CDH20: variants seen among roughly 807,000 people sequenced by gnomAD.
The protein encoded by CDH20 is cadherin-20.
CDH20 carries 29 observed loss-of-function variants against 74.2 expected under a neutral mutation model. The observed-to-expected ratio is 0.39, with a 90% CI of 0.29 to 0.53. The LOEUF (loss-of-function observed/expected upper bound fraction) is 0.53. CDH20 is among the 20% of genes least tolerant of loss of function. The pLI is 0.69. For missense variants in CDH20, 988 were observed against 1,048.3 expected, an observed-to-expected ratio of 0.94 and a Z score of 0.79; for synonymous variants, 469 against 405.4, an observed-to-expected ratio of 1.16 and a Z score of -1.88.
chr18:61,345,935 A>G (rs1910102745), intron 1 of CDH20, among the ~76,000 whole-genome samples: 1 of 152,220 alleles, frequency 6.6e-6, no homozygotes, highest in South Asian at 2.1e-4. Flanking sequence ...ACTTAAGACC[A>G]GACGGATCCT....
intron 1 of CDH20, among the ~76,000 whole-genome samples, chr18:61,412,436 G>A (rs1487980651): frequency 6.6e-6 from 1 of 151,870 alleles, no homozygotes; most frequent in East Asian, 1.9e-4. Context: ...AAAATTAAAG[G>A]GCCACATATC....
chr18:61,485,195 AG>A (rs1354694648), intron 1 of CDH20, among the ~76,000 whole-genome samples: 2 of 152,230 alleles, frequency 1.3e-5, no homozygotes, highest in Non-Finnish European at 2.9e-5. Flanking sequence ...TTTCTTAAAA[AG>A]GTAATACTGT....
At position 61,365,676 on chromosome 18, in the gene CDH20, A is replaced by G. The variant is rs538311953; in HGVS notation, c.-153+31849A>G. The stretch of plus-strand genomic sequence containing the variant: ...GCTGACTGTATAGCTGAAATGTTAT[A>G]TTTTCCAATCCTAAAAACTCCTGTA... On this transcript the variant is annotated intron_variant, in intron 1 of 11. Transcript: ENST00000262717. Among the ~76,000 whole-genome samples the G allele has an allele frequency of 2.6e-5, 4 of 152,202 alleles. No homozygotes were observed. The South Asian group carries it at 8.3e-4, about 32-fold the overall frequency.
At chr18:61,347,343 CA>C (rs1568104200) in intron 1 of CDH20, among the ~76,000 whole-genome samples, 54 of 140,576 alleles carry the variant, frequency 3.8e-4, no homozygotes, top group African/African-American at 1.5e-3. Flanking sequence ...CACACACACA[CA>C]CACACACATA....
intron 1 of CDH20, among the ~76,000 whole-genome samples, chr18:61,432,074 A>ATGTAT (rs1913274039): frequency 6.6e-6 from 1 of 151,768 alleles, no homozygotes; most frequent in African/African-American, 2.4e-5. Flanking sequence ...GTGAAACCCC[A>ATGTAT]TCTCTACTAA....
rs555300704 is a variant in CDH20, at chr18:61,345,943, C to T, written c.-153+12116C>T. 3.3e-5 allele frequency among the ~76,000 whole-genome samples: 5 copies of T among 152,264 alleles called. No homozygotes were observed. In the East Asian group the frequency reaches 7.7e-4, roughly 24 times the overall value. On this transcript the variant is annotated intron_variant, in intron 1 of 11. Transcript: ENST00000262717. ...TCACCAAACTTAAGACCAGACGGAT[C>T]CTATGAGCACTGAAGAATATTCCAG...
chr18:61,515,649 AATC>A, intron 6 of CDH20, among the ~76,000 whole-genome samples: 1 of 151,016 alleles, frequency 6.6e-6, no homozygotes, highest in African/African-American at 2.4e-5. Context: ...TGAAATTGGA[AATC>A]ATCATTCTCA....
intron 1 of CDH20, among the ~76,000 whole-genome samples, chr18:61,456,941 A>G (rs1456907244): frequency 6.6e-6 from 1 of 152,118 alleles, no homozygotes; most frequent in Admixed American, 6.6e-5. Flanking sequence ...TCATTTCTTA[A>G]GGCTCCACCT....
chr18:61,344,808 A>T (rs1910063135), intron 1 of CDH20, among the ~76,000 whole-genome samples: 1 of 152,164 alleles, frequency 6.6e-6, no homozygotes, highest in African/African-American at 2.4e-5. Flanking sequence ...CAAGATCATG[A>T]CTTTCATTTC....
chr18:61,352,801 G>A (rs1015154132), intron 1 of CDH20, among the ~76,000 whole-genome samples: 4 of 152,128 alleles, frequency 2.6e-5, no homozygotes, highest in African/African-American at 9.7e-5. Context: ...TCCTGTAACT[G>A]CCCAACACAA....
intron 1 of CDH20, among the ~76,000 whole-genome samples, chr18:61,423,536 G>A (rs1912963176): frequency 6.6e-6 from 1 of 151,976 alleles, no homozygotes; most frequent in East Asian, 1.9e-4. Flanking sequence ...ACAAGATTAA[G>A]CATCTATTAA....
intron 2 of CDH20, among the ~76,000 whole-genome samples, chr18:61,495,805 C>T (rs1297349916): frequency 6.6e-6 from 1 of 152,152 alleles, no homozygotes; most frequent in Non-Finnish European, 1.5e-5. Flanking sequence ...CCTTTCAGCC[C>T]TCCACTCCAA....
In CDH20 at chr18:61,555,110, C is replaced by T; in HGVS notation, c.*415C>T. 4 of 1,006,552 alleles carry T rather than the reference C, an allele frequency of 4.0e-6. No individual in the cohort carries two copies. The highest frequency in any genetic ancestry group is 4.7e-6 in the Non-Finnish European group (4 of 842,620). 62.4% of individuals were successfully genotyped at this position (1,006,552 alleles called of 1,614,324 possible). A position where few individuals can be genotyped will look rare whatever the true frequency, so the allele number is the denominator to read the frequency against. ...CTCTCGTATCTGTTTTTTATCTTAT[C>T]TTATTCTCCATTTAAGAGTTTTGCT... On this transcript the variant is annotated 3_prime_UTR_variant, in exon 12 of 12. Transcript: ENST00000262717.
chr18:61,433,710 T>G (rs1908731705), intron 1 of CDH20, among the ~76,000 whole-genome samples: 1 of 152,244 alleles, frequency 6.6e-6, no homozygotes, highest in South Asian at 2.1e-4. Flanking sequence ...GAATAGAAGG[T>G]GTTTTCTGAA....
intron 1 of CDH20, among the ~76,000 whole-genome samples, chr18:61,435,552 A>G (rs1198050825): frequency 3.3e-5 from 5 of 152,104 alleles, no homozygotes; most frequent in Admixed American, 2.6e-4. Context: ...GTTGACCTTT[A>G]TAAAGAACAC....
chr18:61,527,823 C>T, intron 6 of CDH20, 144 bp from the exon 7 acceptor site: 1 of 749,588 alleles, frequency 1.3e-6, no homozygotes, highest in East Asian at 2.6e-5. Context: ...AAAGATTTCC[C>T]TTCTTTCCCG....
chr18:61,481,996 A>T (rs667688), intron 1 of CDH20, among the ~76,000 whole-genome samples: 150,678 of 151,924 alleles, frequency 0.99, 74,734 homozygotes, highest in Middle Eastern at 1. Flanking sequence ...GTAAATAAGA[A>T]CTGAGAAATA....
At chr18:61,528,446 G>GACACACACACAC (rs1555683467) in intron 7 of CDH20, among the ~76,000 whole-genome samples, 4 of 97,730 alleles carry the variant, frequency 4.1e-5, no homozygotes, top group African/African-American at 9.7e-5. Context: ...AATTGGTTGA[G>GACACACACACAC]ACACACACAC....
intron 1 of CDH20, among the ~76,000 whole-genome samples, chr18:61,461,562 A>G (rs533744116): frequency 6.5e-4 from 99 of 152,164 alleles, no homozygotes; most frequent in Admixed American, 2.0e-3. Context: ...GTCTGCTCCT[A>G]TTCTTAGAAG....
Sources: allele counts gnomAD v4.1 joint callset (sites outside exome capture counted in the v4.1 genomes callset), GRCh38; gene constraint gnomAD v4.1.1; transcripts MANE v1.5; gene names NCBI Gene and HGNC (gene_info 2026-07-23, HGNC 2026-07-21).